Variants in BMPR2 observed in about 807,000 individuals in gnomAD.
BMPR2 encodes the protein bone morphogenetic protein receptor type 2, also known as bone morphogenetic protein receptor type-2.
Under a neutral mutation model 100.8 loss-of-function variants are expected in BMPR2, and 29 were observed. The ratio of observed to expected loss-of-function variants is 0.29; its 90% confidence interval spans 0.21 to 0.39. The LOEUF is 0.39. Ranked by LOEUF, BMPR2 falls within the 10% of genes least tolerant of loss-of-function variation. The probability of loss-of-function intolerance (pLI) is 1.00; values close to 1 mark genes in which losing one functional copy is unlikely to be tolerated. For missense variants in BMPR2, 1,011 were observed against 1,274.5 expected, an observed-to-expected ratio of 0.79 and a Z score of 3.15; for synonymous variants, 382 against 442.3, an observed-to-expected ratio of 0.86 and a Z score of 1.71.
Position 202,408,769 on chromosome 2 carries a change from C to T in BMPR2, c.76+31219C>T, listed in dbSNP as rs568634227. Among the ~76,000 whole-genome samples the T allele has an allele frequency of 1.5e-3, 223 of 152,280 alleles. 1 individual carries two copies. The highest frequency in any genetic ancestry group is 5.2e-3 in the African/African-American group (216 of 41,556). ...CCTACAAGGAAACAGGAAGATTATC[C>T]ATGTTTTTATTTCGCATTCCACTTG... On this transcript the variant is annotated intron_variant, in intron 1 of 12. Transcript: ENST00000374580.
intron 9 of BMPR2, among the ~76,000 whole-genome samples, chr2:202,536,556 CA>C (rs879633531): frequency 6.6e-6 from 1 of 151,820 alleles, no homozygotes; most frequent in Admixed American, 6.6e-5. Context: ...CTGAAAATAG[CA>C]GTAATTGCAG....
intron 1 of BMPR2, among the ~76,000 whole-genome samples, chr2:202,421,494 T>C (rs1311207382): frequency 1.3e-5 from 2 of 149,534 alleles, no homozygotes; most frequent in East Asian, 3.9e-4. Flanking sequence ...AGTTTTGCAT[T>C]ATACAAGACT....
Position 202,443,033 on chromosome 2 carries a change from C to G in BMPR2, c.77-21776C>G, listed in dbSNP as rs527995604. ...AAGGTTAAATAAGATAAGGTTGGGG[C>G]CTAATCCAATAGGGCTGGTTCCTTT... On this transcript the variant is annotated intron_variant, in intron 1 of 12. Coordinates refer to ENST00000374580, the MANE Select transcript of BMPR2 (RefSeq NM_001204.7). 4.0e-5 allele frequency among the ~76,000 whole-genome samples: 6 copies of G among 150,528 alleles called. 2 individuals are homozygous for G. Among genetic ancestry groups the G allele is most frequent in the African/African-American group, 1.5e-4 (6 of 39,924 alleles).
At chr2:202,436,808 G>A (rs1239390260) in intron 1 of BMPR2, among the ~76,000 whole-genome samples, 3 of 150,454 alleles carry the variant, frequency 2.0e-5, no homozygotes, top group Non-Finnish European at 2.9e-5. Context: ...ACCTCAGCCC[G>A]AATTGGCTTT....
rs527237940 is a variant in BMPR2, at chr2:202,517,335, CT to C, written c.622-1470del. Among the ~76,000 whole-genome samples the C allele has an allele frequency of 9.1e-3, 1,234 of 135,306 alleles. 9 individuals carry two copies. Among genetic ancestry groups the C allele is most frequent in the African/African-American group, 0.024 (887 of 36,874 alleles). 88.8% of individuals were successfully genotyped at this position (135,306 alleles called of 152,430 possible). A position where few individuals can be genotyped will look rare whatever the true frequency, so the allele number is the denominator to read the frequency against. On this transcript the variant is annotated intron_variant, in intron 5 of 12. Coordinates refer to ENST00000374580, the MANE Select transcript of BMPR2 (RefSeq NM_001204.7). ...TCAAATCTCAGTTCAGTTATTTTAT[CT>C]TTTTTTTTTTTTTTTTACTCTGTCA...
chr2:202,513,759 T>G lies in BMPR2; in HGVS notation c.459T>G (p.Ile153Met). The change falls in exon 4 of 13, where the codon ATT (isoleucine) becomes ATG (methionine). Residue 153 changes from isoleucine (I) to methionine (M), a missense_variant. Transcript: ENST00000374580. ...TTAACCGAGATGAGACAATAATCAT[T>G]GCTTTGGCATCAGTCTCTGTATTAG... ...HSFNRDETII[I>M]ALASVSVLAV... 1 of 1,613,572 alleles carries G rather than the reference T, an allele frequency of 6.2e-7. No individual in the cohort carries two copies. Among genetic ancestry groups the G allele is most frequent in the Non-Finnish European group, 8.5e-7 (1 of 1,179,724 alleles).
At position 202,514,063 on chromosome 2, in the gene BMPR2, A is replaced by T. The variant is rs550638705; in HGVS notation, c.529+234A>T. 4.6e-5 allele frequency among the ~76,000 whole-genome samples: 7 copies of T among 152,170 alleles called. No homozygotes were observed. In the East Asian group the frequency reaches 1.2e-3, roughly 25 times the overall value. On this transcript the variant is annotated intron_variant, in intron 4 of 12. Coordinates refer to ENST00000374580, the MANE Select transcript of BMPR2 (RefSeq NM_001204.7). ...AATCACAGATATCATATATCTGTAA[A>T]TATTTAATTAGATATTATATATCTA...
At chr2:202,502,773 T>C (rs1350840398) in intron 3 of BMPR2, among the ~76,000 whole-genome samples, 1 of 152,030 alleles carries the variant, frequency 6.6e-6, no homozygotes, top group African/African-American at 2.4e-5. Context: ...CAGTCGGGGG[T>C]AGCACAAGAT....
chr2:202,465,049 G>A, intron 2 of BMPR2, 70 bp downstream of exon 2: 1 of 1,567,708 alleles, frequency 6.4e-7, no homozygotes, highest in Non-Finnish European at 8.8e-7. Flanking sequence ...AAAGGACATG[G>A]GAGTATGTTA....
chr2:202,384,592 C>CTTTCTTTTCTTTCTTTCTTTCT (rs1553493265), intron 1 of BMPR2, among the ~76,000 whole-genome samples: 37 of 120,268 alleles, frequency 3.1e-4, no homozygotes, highest in Non-Finnish European at 9.0e-5. Context: ...TCTTTCTTTT[C>CTTTCTTTTCTTTCTTTCTTTCT]TTTCTTTCTT....
chr2:202,527,428 C>G (rs984921321), intron 7 of BMPR2, among the ~76,000 whole-genome samples: 2 of 151,468 alleles, frequency 1.3e-5, no homozygotes. Flanking sequence ...GCAGAGGTTG[C>G]AGTGAGCTGA....
intron 2 of BMPR2, 30 bp downstream of exon 2, chr2:202,465,009 CTG>C (rs763770030): frequency 3.6e-5 from 58 of 1,610,906 alleles, no homozygotes; most frequent in East Asian, 1.6e-4. Context: ...CCTGAAATGA[CTG>C]TGTTTTATAC....
intron 1 of BMPR2, among the ~76,000 whole-genome samples, chr2:202,397,504 G>GT (rs11389726): frequency 0.13 from 17,721 of 139,926 alleles, 1,135 homozygotes; most frequent in Non-Finnish European, 0.14. Flanking sequence ...GTTTTTTTTT[G>GT]TTTTTTTTTT....
chr2:202,387,315 A>G (rs1047618111), intron 1 of BMPR2, among the ~76,000 whole-genome samples: 1 of 152,214 alleles, frequency 6.6e-6, no homozygotes, highest in African/African-American at 2.4e-5. Flanking sequence ...ATAGTTACTA[A>G]TACTAAGGGC....
intron 3 of BMPR2, among the ~76,000 whole-genome samples, chr2:202,478,515 T>C (rs765873487): frequency 6.6e-5 from 10 of 152,210 alleles, no homozygotes; most frequent in African/African-American, 1.7e-4. Context: ...CCCAACTGTT[T>C]GGAAGGCTGA....
At position 202,435,378 on chromosome 2, in the gene BMPR2, T is replaced by TAC. The variant is rs1290338947; in HGVS notation, c.77-29430_77-29429insCA. 1.3e-3 allele frequency among the ~76,000 whole-genome samples: 58 copies of TAC among 45,900 alleles called. 3 individuals are homozygous for TAC. The highest frequency in any genetic ancestry group is 1.9e-3 in the Non-Finnish European group (47 of 24,298). The allele number at this position is 45,900 out of a possible 152,430, so 30.1% of individuals were successfully genotyped here. A position where few individuals can be genotyped will look rare whatever the true frequency, so the allele number is the denominator to read the frequency against. ...GATCCTGTCTCAAAAAAAAAATACA[T>TAC]ATATATATATATATATATATATATA... On this transcript the variant is annotated intron_variant, in intron 1 of 12. Coordinates refer to ENST00000374580, the MANE Select transcript of BMPR2 (RefSeq NM_001204.7).
intron 1 of BMPR2, among the ~76,000 whole-genome samples, chr2:202,403,974 T>C (rs1690825336): frequency 6.9e-6 from 1 of 145,078 alleles, no homozygotes; most frequent in Non-Finnish European, 1.5e-5. Flanking sequence ...TATTGCACTA[T>C]AGCCTGGACA....
At chr2:202,418,117 T>G (rs923640511) in intron 1 of BMPR2, among the ~76,000 whole-genome samples, 1 of 152,162 alleles carries the variant, frequency 6.6e-6, no homozygotes, top group African/African-American at 2.4e-5. Context: ...ATTCATGTGA[T>G]TTGCCGTACT....
intron 1 of BMPR2, among the ~76,000 whole-genome samples, chr2:202,407,766 CA>C (rs200740540): frequency 6.9e-5 from 10 of 145,860 alleles, no homozygotes; most frequent in South Asian, 2.2e-4. Context: ...AAAACAAAAA[CA>C]AAAAAAAAAC....
Sources: allele counts gnomAD v4.1 joint callset (sites outside exome capture counted in the v4.1 genomes callset), GRCh38; gene constraint gnomAD v4.1.1; transcripts MANE v1.5; gene names NCBI Gene and HGNC (gene_info 2026-07-23, HGNC 2026-07-21).